CFAP57: variants seen among roughly 807,000 people sequenced by gnomAD.
CFAP57 encodes cilia and flagella associated protein 57.
CFAP57 carries 116 observed loss-of-function variants against 146.8 expected under a neutral mutation model. That is an observed-to-expected ratio of 0.79 (90% CI 0.68 to 0.92). The LOEUF is 0.92. Among genes scored for constraint, CFAP57 ranks in the 40% least tolerant of loss-of-function variants. CFAP57 has a pLI of 0.00. For synonymous variants in CFAP57, 518 were observed against 552.8 expected, an observed-to-expected ratio of 0.94 and a Z score of 0.88; for missense variants, 1,377 against 1,527.2, an observed-to-expected ratio of 0.90 and a Z score of 1.64.
chr1:43,229,737 A>C (rs945884004), intron 18 of CFAP57, among the ~76,000 whole-genome samples: 3 of 148,332 alleles, frequency 2.0e-5, no homozygotes, highest in Non-Finnish European at 4.4e-5. Flanking sequence ...CACTACTACT[A>C]TTTTGAGGTA....
In CFAP57 at chr1:43,254,230, AAC is replaced by A. The variant is rs1460299305; in HGVS notation, c.*43_*44del. The A allele has an allele frequency of 4.6e-6, 7 of 1,513,250 alleles. No individual in the cohort carries two copies. The highest frequency in any genetic ancestry group is 2.8e-5 in the African/African-American group (2 of 72,168). The allele number at this position is 1,513,250 out of a possible 1,614,324, so 93.7% of individuals were successfully genotyped here. On this transcript the variant is annotated 3_prime_UTR_variant, in exon 23 of 23. Transcript: ENST00000372492. Reference sequence around the variant, plus strand: ...GCCATCTCCAGCCACAGCCAGAAGAAACACAGCATGTCTGTCCCCAAGCCAGA... The same window carrying A: ...GCCATCTCCAGCCACAGCCAGAAGAAACAGCATGTCTGTCCCCAAGCCAGA...
chr1:43,221,260 G>T, intron 13 of CFAP57, 112 bp from the exon 14 acceptor site: 1 of 674,706 alleles, frequency 1.5e-6, no homozygotes, highest in Non-Finnish European at 2.4e-6. Flanking sequence ...TGCAAAATGA[G>T]GGCTTGAGAA....
chr1:43,209,759 C>T lies in CFAP57; in HGVS notation c.1772C>T (p.Ser591Leu), dbSNP rs756372048. ...GTGTCTCAGATCCTTCGAGAGATAT[C>T]GGCGTTTGATGTCACCTACACCGCC... Reference protein sequence around the residue: ...IADSLILREISAFDVTYTAIV... With the variant: ...IADSLILREILAFDVTYTAIV... The change falls in exon 11 of 23, where the codon TCG becomes TTG. Residue 591 changes from serine to leucine, a missense_variant. Physicochemically the swap from Ser to Leu is moderately radical, Grantham distance 145. Transcript: ENST00000372492. 1.8e-5 allele frequency: 29 copies of T among 1,613,978 alleles called. 1 individual carries two copies. Among genetic ancestry groups the T allele is most frequent in the African/African-American group, 1.6e-4 (12 of 74,924 alleles).
At chr1:43,211,174 A>C (rs893675905) in intron 11 of CFAP57, among the ~76,000 whole-genome samples, 8 of 152,244 alleles carry the variant, frequency 5.3e-5, no homozygotes, top group Admixed American at 5.2e-4. Context: ...CCTTGGGTCC[A>C]AAGTAAATTA....
intron 22 of CFAP57, among the ~76,000 whole-genome samples, chr1:43,250,772 T>G (rs766557170): frequency 5.3e-5 from 8 of 152,286 alleles, no homozygotes; most frequent in Non-Finnish European, 7.4e-5. Flanking sequence ...CACTGTCTGG[T>G]ACCCAAAAGA....
chr1:43,196,779 G>A (rs1282971304), intron 6 of CFAP57, among the ~76,000 whole-genome samples: 2 of 152,138 alleles, frequency 1.3e-5, no homozygotes, highest in Admixed American at 6.6e-5. Flanking sequence ...GTGATAATTA[G>A]TGCAGTCTCT....
rs1372515426 is a variant in CFAP57, at chr1:43,192,380, G to A, written c.1123-5173G>A. 3.9e-5 allele frequency among the ~76,000 whole-genome samples: 6 copies of A among 152,094 alleles called. No individual in the cohort carries two copies. In the East Asian group the frequency reaches 5.8e-4, roughly 15 times the overall value. On this transcript the variant is annotated intron_variant, in intron 6 of 22. Transcript: ENST00000372492. The stretch of plus-strand genomic sequence containing the variant: ...CTCACGCCTGTAATCCCAGCACTTC[G>A]GGAGGCCAAGGTGGGCAGATCACCT...
At chr1:43,177,299 T>C (rs867360019) in intron 2 of CFAP57, 1 of 435,814 alleles carries the variant, frequency 2.3e-6, no homozygotes, top group African/African-American at 2.0e-5. Flanking sequence ...GACAGATTTC[T>C]TCATAGACAC....
rs1300145842 is a variant in CFAP57 at position 43,206,864 on chromosome 1, T to TC, written c.1692dup (p.Asp565ArgfsTer30). The stretch of plus-strand genomic sequence containing the variant: ...TTGCAGCTACAACTGTGTTACTGTC[T>TC]CCCCCGATGCCAAAATTATCTTTGC... On this transcript the variant is annotated frameshift_variant, in exon 10 of 23. Transcript: ENST00000372492. LOFTEE classifies it high-confidence loss of function. 1.2e-6 allele frequency: 2 copies of TC among 1,613,958 alleles called. No homozygotes were observed. Among genetic ancestry groups the TC allele is most frequent in the Non-Finnish European group, 1.7e-6 (2 of 1,180,020 alleles).
chr1:43,184,457 A>G (rs1278339681), intron 4 of CFAP57, among the ~76,000 whole-genome samples: 1 of 152,234 alleles, frequency 6.6e-6, no homozygotes, highest in East Asian at 1.9e-4. Context: ...TGCACCAGAC[A>G]CTGCTTTAAA....
intron 6 of CFAP57, among the ~76,000 whole-genome samples, chr1:43,194,394 T>C (rs1411612739): frequency 3.3e-5 from 5 of 152,190 alleles, no homozygotes; most frequent in Admixed American, 6.5e-5. Flanking sequence ...TTAGCTTTCA[T>C]TATTTTTGCC....
chr1:43,198,229 C>A (rs150137295), intron 7 of CFAP57, among the ~76,000 whole-genome samples: 1 of 152,302 alleles, frequency 6.6e-6, no homozygotes, highest in Non-Finnish European at 1.5e-5. Context: ...GGACAATACT[C>A]ATGAATTTTG....
At chr1:43,223,267 T>C (rs550353890) in intron 16 of CFAP57, among the ~76,000 whole-genome samples, 1 of 152,298 alleles carries the variant, frequency 6.6e-6, no homozygotes, top group Admixed American at 6.5e-5. Flanking sequence ...GCTTTCTAGT[T>C]TTCACTTACT....
In CFAP57 at chr1:43,227,050, A is replaced by G; in HGVS notation, c.2933A>G (p.Tyr978Cys). 1 of 1,543,480 alleles carries G rather than the reference A, an allele frequency of 6.5e-7. No homozygotes were observed. Among genetic ancestry groups the G allele is most frequent in the Non-Finnish European group, 8.7e-7 (1 of 1,144,110 alleles). Residue 978 changes from tyrosine to cysteine, a missense_variant, in exon 18 of 23, where the codon TAC (tyrosine) becomes TGC (cysteine). Physicochemically the swap from Tyr to Cys is radical, Grantham distance 194. Coordinates refer to ENST00000372492, the MANE Select transcript of CFAP57 (RefSeq NM_001378189.1). ...GGGAAATTCAAGTTTGTGCTTGACT[A>G]CAAAATAAAGGAGCTGAAGAAGCAA... ...ELGKFKFVLD[Y>C]KIKELKKQIE...
intron 12 of CFAP57, 60 bp downstream of exon 12, chr1:43,215,476 C>G (rs1036925720): frequency 1.3e-6 from 2 of 1,517,358 alleles, no homozygotes; most frequent in Non-Finnish European, 8.9e-7. Context: ...CATTCAGATG[C>G]AGGTCCAGCA....
chr1:43,199,949 A>G (rs1021554304), intron 9 of CFAP57, among the ~76,000 whole-genome samples: 1 of 152,238 alleles, frequency 6.6e-6, no homozygotes, highest in Non-Finnish European at 1.5e-5. Context: ...AGAGGTCACA[A>G]GGGCCCAAAT....
chr1:43,246,114 C>G (rs1169297415), intron 22 of CFAP57, among the ~76,000 whole-genome samples: 3 of 152,214 alleles, frequency 2.0e-5, no homozygotes, highest in African/African-American at 7.2e-5. Context: ...AAGTGATCTG[C>G]AGATTCACTG....
intron 5 of CFAP57, 82 bp from the exon 6 acceptor site, chr1:43,186,610 CAAAAAAAAAAAAAAA>C: frequency 2.7e-6 from 2 of 747,518 alleles, no homozygotes; most frequent in East Asian, 3.3e-5. Flanking sequence ...GACTCCGTCT[CAAAAAAAAAAAAAAA>C]AAAAAAAAGA....
In CFAP57 at chr1:43,172,409, C is replaced by T; in HGVS notation, c.-64C>T. The T allele has an allele frequency of 6.4e-7, 1 of 1,551,344 alleles. No homozygotes were observed. The highest frequency in any genetic ancestry group is 8.7e-7 in the Non-Finnish European group (1 of 1,146,952). On this transcript the variant is annotated 5_prime_UTR_variant, in exon 1 of 23. Coordinates refer to ENST00000372492, the MANE Select transcript of CFAP57 (RefSeq NM_001378189.1). ...TTGCTTAGGATCCCTACAGGTAGCG[C>T]CTCTGGATACATGCGTGGTCTGCTG...
Sources: gnomAD v4.1 joint callset for allele counts (sites outside exome capture counted in the v4.1 genomes callset) on GRCh38, gnomAD v4.1.1 for gene constraint, MANE v1.5 for transcripts, NCBI Gene and HGNC (gene_info 2026-07-23, HGNC 2026-07-21) for gene names.